The following CPQ variants were observed in gnomAD, a reference collection of about 807,000 sequenced individuals.
The protein encoded by CPQ is carboxypeptidase Q, also known as Ser-Met dipeptidase.
In CPQ, 37 loss-of-function variants were observed where a neutral mutation model predicts 45.7. The ratio of observed to expected loss-of-function variants is 0.81; its 90% confidence interval spans 0.62 to 1.07. The LOEUF is 1.07. Among genes scored for constraint, CPQ ranks in the 50% least tolerant of loss-of-function variants. CPQ has a pLI of 0.00. For missense variants in CPQ, 537 were observed against 572.9 expected (o/e 0.94, Z 0.64); for synonymous variants, 186 against 205.8 (o/e 0.90, Z 0.82).
chr8:96,832,433 T>C (rs142756917), intron 2 of CPQ, among the ~76,000 whole-genome samples: 39 of 152,172 alleles, frequency 2.6e-4, no homozygotes, highest in African/African-American at 9.2e-4. Flanking sequence ...ACTCCAGGGG[T>C]GCTTAATGAC....
Position 96,804,909 on chromosome 8 carries a change from T to C in CPQ, c.433+19579T>C, listed in dbSNP as rs377359944. On this transcript the variant is annotated intron_variant, in intron 2 of 7. Coordinates refer to ENST00000220763, the MANE Select transcript of CPQ (RefSeq NM_016134.4). ...TTGGGAGAAATTACCATAAAACATTTAGTGCTTTGTTTTCTGATATGGTTT... is the reference window on the plus strand; with the variant it reads ...TTGGGAGAAATTACCATAAAACATTCAGTGCTTTGTTTTCTGATATGGTTT... 2.3e-3 allele frequency among the ~76,000 whole-genome samples: 347 copies of C among 152,306 alleles called. 4 individuals carry two copies. Among genetic ancestry groups the C allele is most frequent in the African/African-American group, 8.2e-3 (339 of 41,580 alleles).
At chr8:96,836,923 C>G (rs1811538536) in intron 3 of CPQ, among the ~76,000 whole-genome samples, 3 of 151,850 alleles carry the variant, frequency 2.0e-5, no homozygotes, top group Admixed American at 2.0e-4. Context: ...TATAATGTTT[C>G]ACTGATTTTA....
At chr8:96,975,572 A>C (rs1813762326) in intron 5 of CPQ, among the ~76,000 whole-genome samples, 1 of 152,142 alleles carries the variant, frequency 6.6e-6, no homozygotes, top group Non-Finnish European at 1.5e-5. Context: ...ATCCCTGATG[A>C]ACGTAGATGC....
chr8:96,777,376 A>G (rs1182923925), intron 1 of CPQ, among the ~76,000 whole-genome samples: 1 of 152,020 alleles, frequency 6.6e-6, no homozygotes, highest in African/African-American at 2.4e-5. Flanking sequence ...AACAGGAGAC[A>G]CAACTTACCA....
chr8:96,980,528 A>C (rs1407954120), intron 5 of CPQ, among the ~76,000 whole-genome samples: 1 of 152,224 alleles, frequency 6.6e-6, no homozygotes, highest in Non-Finnish European at 1.5e-5. Flanking sequence ...TAATATACAC[A>C]GTAACTGGCC....
intron 3 of CPQ, among the ~76,000 whole-genome samples, chr8:96,843,853 C>A (rs1330178558): frequency 6.6e-6 from 1 of 152,172 alleles, no homozygotes; most frequent in African/African-American, 2.4e-5. Flanking sequence ...ATGTAAATTT[C>A]GGCAAAGTAT....
chr8:96,659,777 C>T (rs903644001), intron 1 of CPQ, among the ~76,000 whole-genome samples: 1 of 152,210 alleles, frequency 6.6e-6, no homozygotes, highest in Admixed American at 6.5e-5. Context: ...CTCCACCTTT[C>T]CTGAATCCTT....
chr8:96,834,651 T>C (rs554301224), intron 2 of CPQ, among the ~76,000 whole-genome samples: 1 of 152,224 alleles, frequency 6.6e-6, no homozygotes, highest in Admixed American at 6.5e-5. Flanking sequence ...CATCATTCTT[T>C]GAAATTTGTG....
chr8:96,700,999 G>C (rs960259242), intron 1 of CPQ, among the ~76,000 whole-genome samples: 1 of 152,204 alleles, frequency 6.6e-6, no homozygotes, highest in African/African-American at 2.4e-5. Context: ...ATTCCCAGAT[G>C]TTACTAAGGG....
chr8:96,867,708 G>A (rs756496931), intron 3 of CPQ, among the ~76,000 whole-genome samples: 3 of 151,796 alleles, frequency 2.0e-5, no homozygotes, highest in African/African-American at 4.8e-5. Context: ...TTGAGGTAAC[G>A]GTATATGCAC....
chr8:96,647,241 C>G (rs891358067), intron 1 of CPQ, among the ~76,000 whole-genome samples: 1 of 152,112 alleles, frequency 6.6e-6, no homozygotes, highest in African/African-American at 2.4e-5. Flanking sequence ...ATTAATGTTA[C>G]CTACTTCAGT....
chr8:97,126,557 G>A (rs1046090803), intron 7 of CPQ, among the ~76,000 whole-genome samples: 3 of 152,068 alleles, frequency 2.0e-5, no homozygotes, highest in African/African-American at 7.2e-5. Flanking sequence ...CTAGAAGCAA[G>A]AAGTAAACTT....
chr8:96,882,545 T>C (rs1302929111), intron 4 of CPQ, among the ~76,000 whole-genome samples: 5 of 152,138 alleles, frequency 3.3e-5, no homozygotes, highest in African/African-American at 1.2e-4. Flanking sequence ...CCTAAGGTTG[T>C]GGGCAGGTGG....
Position 96,981,489 on chromosome 8 carries a change from T to C in CPQ, c.961+15443T>C, listed in dbSNP as rs552065052. On this transcript the variant is annotated intron_variant, in intron 5 of 7. Coordinates refer to ENST00000220763, the MANE Select transcript of CPQ (RefSeq NM_016134.4). ...GCAGGATGTTAGAATAAAGAAATAT[T>C]TTATGAAGTGCTTCATACTGGAATT... Among the ~76,000 whole-genome samples, 12 of 152,298 alleles carry C rather than the reference T, an allele frequency of 7.9e-5. No individual in the cohort carries two copies. The South Asian group carries it at 2.5e-3, about 32-fold the overall frequency.
chr8:97,025,262 T>G (rs1809778082), intron 5 of CPQ, among the ~76,000 whole-genome samples: 1 of 152,184 alleles, frequency 6.6e-6, no homozygotes, highest in African/African-American at 2.4e-5. Flanking sequence ...TTCTCCCTAT[T>G]ATTATTACTC....
intron 1 of CPQ, among the ~76,000 whole-genome samples, chr8:96,648,186 C>T (rs1586344001): frequency 6.6e-6 from 1 of 152,210 alleles, no homozygotes; most frequent in Admixed American, 6.5e-5. Flanking sequence ...AAGCAGAGAC[C>T]AGTTGTGGCC....
At chr8:96,929,381 C>T (rs925573471) in intron 4 of CPQ, among the ~76,000 whole-genome samples, 1 of 152,072 alleles carries the variant, frequency 6.6e-6, no homozygotes, top group Non-Finnish European at 1.5e-5. Context: ...TTAGCAGTGT[C>T]CTATTGTAAA....
chr8:96,894,441 C>T (rs1460746678), intron 4 of CPQ, among the ~76,000 whole-genome samples: 2 of 151,914 alleles, frequency 1.3e-5, no homozygotes, highest in African/African-American at 4.8e-5. Context: ...TATAGGTGGA[C>T]AAGGAATTTA....
At chr8:96,857,105 T>C (rs1427036856) in intron 3 of CPQ, among the ~76,000 whole-genome samples, 1 of 152,186 alleles carries the variant, frequency 6.6e-6, no homozygotes, top group Non-Finnish European at 1.5e-5. Context: ...GTAATTTAAC[T>C]GCCTGCCTGG....
Sources: allele counts gnomAD v4.1 joint callset (sites outside exome capture counted in the v4.1 genomes callset), GRCh38; gene constraint gnomAD v4.1.1; transcripts MANE v1.5; gene names NCBI Gene and HGNC (gene_info 2026-07-23, HGNC 2026-07-21).